Variants in PKHD1 observed in about 807,000 individuals in gnomAD.
The protein encoded by PKHD1 is fibrocystin.
PKHD1 carries 291 observed loss-of-function variants against 412.0 expected under a neutral mutation model. That is an observed-to-expected ratio of 0.71 (90% CI 0.64 to 0.78). The LOEUF (loss-of-function observed/expected upper bound fraction) is 0.78, where lower values mean the gene tolerates loss of function less well. Ranked by LOEUF, PKHD1 falls within the 30% of genes least tolerant of loss-of-function variation. PKHD1 has a pLI of 0.00. For missense variants in PKHD1, 4,825 were observed against 4,950.7 expected (o/e 0.97, Z 0.76); for synonymous variants, 1,777 against 1,821.5 (o/e 0.98, Z 0.62).
chr6:51,824,948 A>G (rs1259437061), intron 52 of PKHD1, among the ~76,000 whole-genome samples: 2 of 152,174 alleles, frequency 1.3e-5, no homozygotes, highest in South Asian at 4.1e-4. Context: ...GAGGTGGTGT[A>G]ATTAACACTA....
intron 60 of PKHD1, among the ~76,000 whole-genome samples, chr6:51,681,375 T>C (rs186462275): frequency 7.2e-5 from 11 of 152,046 alleles, no homozygotes; most frequent in Non-Finnish European, 1.3e-4. Context: ...AGCAATGTCA[T>C]GTTTGGTTGA....
At chr6:51,667,975 C>A (rs539378864) in intron 60 of PKHD1, among the ~76,000 whole-genome samples, 31 of 152,080 alleles carry the variant, frequency 2.0e-4, no homozygotes, top group Middle Eastern at 3.4e-3. Context: ...GAAGTCAGGT[C>A]GCGTGATGCC....
intron 62 of PKHD1, among the ~76,000 whole-genome samples, 180 bp from the exon 63 acceptor site, chr6:51,648,298 T>C (rs922122498): frequency 2.0e-5 from 3 of 152,290 alleles, no homozygotes; most frequent in Middle Eastern, 3.4e-3. Flanking sequence ...AATTAACTTA[T>C]TGTAAGAAGA....
At chr6:51,774,385 G>T (rs375793657) in intron 54 of PKHD1, among the ~76,000 whole-genome samples, 3 of 151,974 alleles carry the variant, frequency 2.0e-5, no homozygotes, top group South Asian at 4.1e-4. Context: ...CAGGATCGGG[G>T]ATCAGAGCAG....
At chr6:52,087,333 A>G (rs781467232) in intron 1 of PKHD1, 101 bp downstream of exon 1, 2 of 152,094 alleles carry the variant, frequency 1.3e-5, no homozygotes, top group African/African-American at 2.4e-5. Context: ...GCAAGGCACT[A>G]CTATAGATCT....
chr6:51,662,573 T>C (rs1282073279), intron 60 of PKHD1, among the ~76,000 whole-genome samples: 3 of 151,806 alleles, frequency 2.0e-5, no homozygotes, highest in African/African-American at 7.2e-5. Flanking sequence ...AGAAAGGAAA[T>C]AATCAATATG....
chr6:51,616,633 G>A lies in PKHD1; in HGVS notation c.*2448C>T. On this transcript the variant is annotated 3_prime_UTR_variant, in exon 67 of 67. Transcript: ENST00000371117. ...ACATGCTAGAGCCTGGCAAGTTACT[G>A]AAGATGTTTATAGCTGCTATTTAGG... is the stretch of plus-strand genomic sequence containing the variant. 1 of 397,574 alleles carries A rather than the reference G, an allele frequency of 2.5e-6. No individual in the cohort carries two copies. Among genetic ancestry groups the A allele is most frequent in the Non-Finnish European group, 4.4e-6 (1 of 225,792 alleles). 24.6% of individuals were successfully genotyped at this position (397,574 alleles called of 1,614,324 possible). A position where few individuals can be genotyped will look rare whatever the true frequency, so the allele number is the denominator to read the frequency against.
Position 51,883,308 on chromosome 6 carries a change from T to C in PKHD1, c.7216-81A>G, listed in dbSNP as rs535876331. On this transcript the variant is annotated intron_variant, in intron 45 of 66. Coordinates refer to ENST00000371117, the MANE Select transcript of PKHD1 (RefSeq NM_138694.4). Reference sequence around the variant, plus strand: ...TTCCTGTAGCTTTTAAAATTATTGATTAAGTAGAAAGAAGCATGCTATATT... The same window carrying C: ...TTCCTGTAGCTTTTAAAATTATTGACTAAGTAGAAAGAAGCATGCTATATT... 101 of 1,268,046 alleles carry C rather than the reference T, an allele frequency of 8.0e-5. No homozygotes were observed. The African/African-American group carries it at 1.4e-3, about 18-fold the overall frequency. The allele number at this position is 1,268,046 out of a possible 1,614,324, so 78.5% of individuals were successfully genotyped here. A position where few individuals can be genotyped will look rare whatever the true frequency, so the allele number is the denominator to read the frequency against.
chr6:51,745,365 C>T (rs1186405430), intron 59 of PKHD1, among the ~76,000 whole-genome samples: 1 of 152,110 alleles, frequency 6.6e-6, no homozygotes, highest in African/African-American at 2.4e-5. Flanking sequence ...TATAAAAGGG[C>T]TTGAGGATGA....
In PKHD1 at chr6:51,954,717, A is replaced by G. The variant is rs545863874; in HGVS notation, c.5908+5153T>C. Among the ~76,000 whole-genome samples, 4 of 144,410 alleles carry G rather than the reference A, an allele frequency of 2.8e-5. No homozygotes were observed. In the East Asian group the frequency reaches 6.3e-4, roughly 23 times the overall value. 94.7% of individuals were successfully genotyped at this position (144,410 alleles called of 152,430 possible). Reference sequence around the variant, plus strand: ...TATAGTCAAACAAATTAGCATATCAATCACTTCACAGTTACCTTCTTTTGT... The same window carrying G: ...TATAGTCAAACAAATTAGCATATCAGTCACTTCACAGTTACCTTCTTTTGT... On this transcript the variant is annotated intron_variant, in intron 36 of 66. Coordinates refer to ENST00000371117, the MANE Select transcript of PKHD1 (RefSeq NM_138694.4).
intron 21 of PKHD1, among the ~76,000 whole-genome samples, chr6:52,051,483 G>A (rs763829607): frequency 1.3e-5 from 2 of 152,178 alleles, no homozygotes; most frequent in Non-Finnish European, 2.9e-5. Flanking sequence ...TGCCAGCAGG[G>A]TTAATGTGAT....
rs746624888 is a variant in PKHD1, at chr6:51,903,585, T to C, written c.6996+12A>G. 3.7e-6 allele frequency: 6 copies of C among 1,608,058 alleles called. No homozygotes were observed. The highest frequency in any genetic ancestry group is 5.1e-6 in the Non-Finnish European group (6 of 1,175,702). The stretch of plus-strand genomic sequence containing the variant: ...TCAGTTCTGGTCTTCCTGGTAGAGC[T>C]GAACATCTTACCTCTATAACATTGG... On this transcript the variant is annotated intron_variant, in intron 43 of 66. Coordinates refer to ENST00000371117, the MANE Select transcript of PKHD1 (RefSeq NM_138694.4).
At chr6:52,034,886 A>G (rs1208581431) in intron 28 of PKHD1, among the ~76,000 whole-genome samples, 5 of 152,222 alleles carry the variant, frequency 3.3e-5, no homozygotes, top group Admixed American at 3.3e-4. Flanking sequence ...ATCAAAGAAT[A>G]TTTTGAAACT....
intron 27 of PKHD1, among the ~76,000 whole-genome samples, chr6:52,036,199 A>G (rs1380474758): frequency 6.6e-6 from 1 of 152,220 alleles, no homozygotes; most frequent in African/African-American, 2.4e-5. Flanking sequence ...TGAAGGGTCA[A>G]CATTTTCCTC....
Position 52,048,532 on chromosome 6 carries a change from T to C in PKHD1, c.2367A>G (p.Gly789=), listed in dbSNP as rs1806232648. 6.2e-7 allele frequency: 1 copy of C among 1,613,644 alleles called. No homozygotes were observed. Among genetic ancestry groups the C allele is most frequent in the Admixed American group, 1.7e-5 (1 of 59,998 alleles). The part of the protein sequence containing the change: ...QRRQRTSPPL[G]GHFRIQLPNT... Reference sequence around the variant, plus strand: ...TAGGAAGCTGGATGCGAAAGTGTCCTCCTAGAGGTGGACTTGTCCGCTGTC... The same window carrying C: ...TAGGAAGCTGGATGCGAAAGTGTCCCCCTAGAGGTGGACTTGTCCGCTGTC... Residue 789 remains glycine (G), a synonymous_variant, in exon 23 of 67, where the codon GGA becomes GGG. Coordinates refer to ENST00000371117, the MANE Select transcript of PKHD1 (RefSeq NM_138694.4).
chr6:52,069,469 G>T lies in PKHD1; in HGVS notation c.766C>A (p.Gln256Lys). ...AGGGGGATAGTACCTGAGTGTGTCT[G>T]GTATAGGAAAAGATCCTGTTTAGCA... ...ISAKQDLFLYQTHSEILSVFP... is the reference protein window; with the variant it reads ...ISAKQDLFLYKTHSEILSVFP... The change falls in exon 11 of 67, where the codon CAG (glutamine) becomes AAG (lysine). Residue 256 changes from glutamine (Q) to lysine (K), a missense_variant. Gln to Lys is a moderately conservative substitution (Grantham distance 53, BLOSUM62 1). Coordinates refer to ENST00000371117, the MANE Select transcript of PKHD1 (RefSeq NM_138694.4). 1.2e-6 allele frequency: 2 copies of T among 1,611,158 alleles called. No homozygotes were observed. Among genetic ancestry groups the T allele is most frequent in the Non-Finnish European group, 1.7e-6 (2 of 1,177,350 alleles).
At chr6:52,077,673 G>A (rs1244115406) in intron 5 of PKHD1, among the ~76,000 whole-genome samples, 6 of 152,144 alleles carry the variant, frequency 3.9e-5, no homozygotes, top group Non-Finnish European at 8.8e-5. Flanking sequence ...TGATCCATAT[G>A]CTGTATAGTC....
At chr6:52,007,577 C>T (rs561523529) in intron 35 of PKHD1, among the ~76,000 whole-genome samples, 4 of 152,332 alleles carry the variant, frequency 2.6e-5, no homozygotes, top group East Asian at 3.9e-4. Flanking sequence ...GGTAATCACA[C>T]ACCCCAACAA....
Position 52,064,944 on chromosome 6 carries a change from G to A in PKHD1, c.976+11C>T. On this transcript the variant is annotated intron_variant, in intron 13 of 66. Transcript: ENST00000371117. ...TCAGAGTTTATTGAACAGCCCTGGT[G>A]GCTTCCTTACCTGGCTGAGGGGTGG... The A allele has an allele frequency of 2.0e-6, 3 of 1,506,624 alleles. No homozygotes were observed. In the South Asian group the frequency reaches 3.4e-5, roughly 17 times the overall value. 93.3% of individuals were successfully genotyped at this position (1,506,624 alleles called of 1,614,324 possible). A position where few individuals can be genotyped will look rare whatever the true frequency, so the allele number is the denominator to read the frequency against.
Sources: gnomAD v4.1 joint callset for allele counts (sites outside exome capture counted in the v4.1 genomes callset) on GRCh38, gnomAD v4.1.1 for gene constraint, MANE v1.5 for transcripts, NCBI Gene and HGNC (gene_info 2026-07-23, HGNC 2026-07-21) for gene names.